CCNYL1: variants seen among roughly 807,000 people sequenced by gnomAD.
CCNYL1 encodes the protein cyclin Y like 1, also known as cyclin-Y-like protein 1.
A neutral mutation model predicts 44.2 loss-of-function variants in CCNYL1; 16 were observed. The ratio of observed to expected loss-of-function variants is 0.36; its 90% CI spans 0.25 to 0.55. CCNYL1 has a LOEUF of 0.55. Among genes scored for constraint, CCNYL1 ranks in the 20% least tolerant of loss-of-function variants. The probability of loss-of-function intolerance (pLI) is 0.85; values close to 1 mark genes in which losing one functional copy is unlikely to be tolerated. For synonymous variants in CCNYL1, 159 were observed against 163.2 expected (o/e 0.97, Z 0.20); for missense variants, 348 against 451.8 (o/e 0.77, Z 2.08).
chr2:207,747,057 A>G lies in CCNYL1; in HGVS notation c.650A>G (p.Glu217Gly). ...ECAIVTLVYL[E>G]RLLTYAEIDI... ...TGCTCTATTTTACAGGTTTACTTAG[A>G]AAGGCTTTTAACTTATGCTGAAATC... The change falls in exon 8 of 10, where the codon GAA becomes GGA. Residue 217 changes from glutamate to glycine, a missense_variant. Coordinates refer to ENST00000295414, the MANE Select transcript of CCNYL1 (RefSeq NM_001330218.2). 1 of 1,613,700 alleles carries G rather than the reference A, an allele frequency of 6.2e-7. No individual in the cohort carries two copies. The highest frequency in any genetic ancestry group is 8.5e-7 in the Non-Finnish European group (1 of 1,179,682).
chr2:207,716,956 A>G (rs1017602001), intron 1 of CCNYL1, among the ~76,000 whole-genome samples: 5 of 152,076 alleles, frequency 3.3e-5, no homozygotes, highest in Admixed American at 2.0e-4. Flanking sequence ...AAAAATACAA[A>G]AAATTAGCCG....
intron 1 of CCNYL1, among the ~76,000 whole-genome samples, chr2:207,723,205 G>A (rs2091654464): frequency 1.3e-5 from 2 of 152,202 alleles, no homozygotes; most frequent in Admixed American, 1.3e-4. Context: ...GTTTAGGTAT[G>A]TAAGTTTTTA....
chr2:207,739,832 G>A (rs1473165978), intron 5 of CCNYL1, among the ~76,000 whole-genome samples: 1 of 152,190 alleles, frequency 6.6e-6, no homozygotes, highest in Non-Finnish European at 1.5e-5. Flanking sequence ...AGTATAATTT[G>A]GTAGCACTGC....
chr2:207,748,905 G>A (rs13389532), intron 8 of CCNYL1, among the ~76,000 whole-genome samples: 2,217 of 152,310 alleles, frequency 0.015, 52 homozygotes, highest in African/African-American at 0.051. Context: ...TTTGGAAATT[G>A]CAGAAACTAA....
At chr2:207,730,542 G>A (rs1460485010) in intron 3 of CCNYL1, among the ~76,000 whole-genome samples, 1 of 152,166 alleles carries the variant, frequency 6.6e-6, no homozygotes, top group Non-Finnish European at 1.5e-5. Flanking sequence ...AGGATCACTT[G>A]AGGTCAGGAG....
intron 8 of CCNYL1, 39 bp from the exon 9 acceptor site, chr2:207,750,918 T>C: frequency 1.3e-6 from 2 of 1,586,480 alleles, no homozygotes; most frequent in Non-Finnish European, 1.7e-6. Context: ...TTGACTGACA[T>C]TGTCCTGTGC....
At chr2:207,736,142 G>C (rs560521871) in intron 4 of CCNYL1, among the ~76,000 whole-genome samples, 1 of 152,166 alleles carries the variant, frequency 6.6e-6, no homozygotes, top group East Asian at 1.9e-4. Flanking sequence ...GTCATGTAAG[G>C]TTCCGTGGTC....
rs1247982922 is a variant in CCNYL1 at position 207,755,307 on chromosome 2, G to C, written c.*1609G>C. ...AGGTGGGAGGATCAGTAGAGCCCAGGAGGTCAAGGCTGCAGTGGGCCATGA... is the reference window on the plus strand; with the variant it reads ...AGGTGGGAGGATCAGTAGAGCCCAGCAGGTCAAGGCTGCAGTGGGCCATGA... On this transcript the variant is annotated 3_prime_UTR_variant, in exon 10 of 10. Coordinates refer to ENST00000295414, the MANE Select transcript of CCNYL1 (RefSeq NM_001330218.2). 1 of 152,178 alleles carries C rather than the reference G, an allele frequency of 6.6e-6. No individual in the cohort carries two copies. Among genetic ancestry groups the C allele is most frequent in the African/African-American group, 2.4e-5 (1 of 41,436 alleles). 9.4% of individuals were successfully genotyped at this position (152,178 alleles called of 1,614,324 possible).
At chr2:207,722,820 A>C (rs943139426) in intron 1 of CCNYL1, among the ~76,000 whole-genome samples, 1 of 152,088 alleles carries the variant, frequency 6.6e-6, no homozygotes, top group Admixed American at 6.6e-5. Flanking sequence ...TTAGCCGGGC[A>C]TGGTGATGCG....
At chr2:207,735,932 G>C (rs755131876) in intron 4 of CCNYL1, among the ~76,000 whole-genome samples, 53 of 152,172 alleles carry the variant, frequency 3.5e-4, no homozygotes, top group Non-Finnish European at 7.4e-5. Flanking sequence ...AGTCATACCC[G>C]ATGCCAATTA....
chr2:207,717,964 G>A (rs370736987), intron 1 of CCNYL1, among the ~76,000 whole-genome samples: 1 of 150,832 alleles, frequency 6.6e-6, no homozygotes, highest in African/African-American at 2.4e-5. Context: ...AAGTACAGTG[G>A]CTCAATCTTG....
At chr2:207,713,459 G>A (rs920845369) in intron 1 of CCNYL1, among the ~76,000 whole-genome samples, 3 of 152,196 alleles carry the variant, frequency 2.0e-5, no homozygotes, top group African/African-American at 7.2e-5. Flanking sequence ...AGGTAGGGGT[G>A]AGGGGAGAGG....
At chr2:207,733,889 C>A in intron 3 of CCNYL1, 58 bp from the exon 4 acceptor site, 1 of 1,111,904 alleles carries the variant, frequency 9.0e-7, no homozygotes, top group African/African-American at 1.6e-5. Flanking sequence ...AAGGAAAAAC[C>A]ACACTTTTAT....
intron 3 of CCNYL1, among the ~76,000 whole-genome samples, chr2:207,728,593 AAGAGTATAAAATGC>A (rs1435619368): frequency 6.6e-6 from 1 of 152,088 alleles, no homozygotes; most frequent in Non-Finnish European, 1.5e-5. Context: ...CCTATTTCAT[AAGAGTATAAAATGC>A]TAGGTTCACT....
In CCNYL1 at chr2:207,736,628, G is replaced by T. The variant is rs557900596; in HGVS notation, c.432-783G>T. On this transcript the variant is annotated intron_variant, in intron 4 of 9. Transcript: ENST00000295414. ...TAATGATGCAAAATTGATCATAAAT[G>T]ATTTTATTTGGTATAAAACACTTTT... 2.0e-5 allele frequency among the ~76,000 whole-genome samples: 3 copies of T among 152,232 alleles called. No individual in the cohort carries two copies. The South Asian group carries it at 6.2e-4, about 32-fold the overall frequency.
In CCNYL1 at chr2:207,723,649, G is replaced by A. The variant is rs190393475; in HGVS notation, c.221-1151G>A. 2.0e-5 allele frequency among the ~76,000 whole-genome samples: 3 copies of A among 152,182 alleles called. No homozygotes were observed. The East Asian group carries it at 5.8e-4, about 29-fold the overall frequency. On this transcript the variant is annotated intron_variant, in intron 1 of 9. Transcript: ENST00000295414. The stretch of plus-strand genomic sequence containing the variant: ...CCAGCACCTTGGGAGGCTGAGGTGG[G>A]TGGATCACCTGGGGTCAGGAGTTTG...
At chr2:207,715,381 T>TTC (rs1386125322) in intron 1 of CCNYL1, among the ~76,000 whole-genome samples, 1 of 140,366 alleles carries the variant, frequency 7.1e-6, no homozygotes, top group African/African-American at 2.7e-5. Context: ...AGCTATTTCT[T>TTC]TTTTTTTTTT....
At chr2:207,742,468 G>A (rs2091818935) in intron 7 of CCNYL1, 126 bp downstream of exon 7, 2 of 867,006 alleles carry the variant, frequency 2.3e-6, no homozygotes, top group East Asian at 2.6e-5. Context: ...ACCTATGAAA[G>A]GAACATAAAT....
intron 8 of CCNYL1, among the ~76,000 whole-genome samples, chr2:207,749,381 T>A (rs1435750922): frequency 6.6e-6 from 1 of 152,232 alleles, no homozygotes; most frequent in East Asian, 1.9e-4. Flanking sequence ...TTTCAACAGC[T>A]ACATGTCCTG....
Sources: allele counts gnomAD v4.1 joint callset (sites outside exome capture counted in the v4.1 genomes callset), GRCh38; gene constraint gnomAD v4.1.1; transcripts MANE v1.5; gene names NCBI Gene and HGNC (gene_info 2026-07-23, HGNC 2026-07-21).